The following SEMA6D variants were observed in gnomAD, a reference collection of about 807,000 sequenced individuals.
SEMA6D encodes the protein semaphorin-6D.
A neutral mutation model predicts 106.6 loss-of-function variants in SEMA6D; 35 were observed. The observed-to-expected ratio is 0.33, with a 90% confidence interval of 0.25 to 0.44. SEMA6D has a LOEUF of 0.44. Ranked by LOEUF, SEMA6D falls within the 20% of genes least tolerant of loss-of-function variation. The pLI is 1.00. For missense variants in SEMA6D, 1,185 were observed against 1,345.9 expected (o/e 0.88, Z 1.87); for synonymous variants, 499 against 487.7 (o/e 1.02, Z -0.31).
chr15:47,763,930 A>G lies in SEMA6D; in HGVS notation c.828A>G (p.Ser276=), dbSNP rs1200361973. 1.2e-6 allele frequency: 2 copies of G among 1,613,808 alleles called. No individual in the cohort carries two copies. The highest frequency in any genetic ancestry group is 1.7e-5 in the Admixed American group (1 of 60,006). ...SQRVLEKHWT[S]FLKARLNCSV... is the part of the protein sequence containing the mutation. ...GGGTCCTGGAGAAACACTGGACTTC[A>G]TTTCTAAAGGCTCGGCTGAACTGTT... is the stretch of plus-strand genomic sequence containing the variant. Residue 276 remains serine (S), a synonymous_variant, in exon 10 of 19, where the codon TCA becomes TCG. Transcript: ENST00000536845.
rs2082669582 is a variant in SEMA6D at position 47,772,387 on chromosome 15, T to TGTGTGTGA, written c.*606_*607insGTGAGTGT. On this transcript the variant is annotated 3_prime_UTR_variant, in exon 19 of 19. Transcript: ENST00000536845. Reference sequence around the variant, plus strand: ...GTGTGTGTGTGTGTGTGTGTGTGTGTGTGTTCTGTACCCACTAGGATTTGT... The same window carrying TGTGTGTGA: ...GTGTGTGTGTGTGTGTGTGTGTGTGTGTGTGTGAGTGTTCTGTACCCACTAGGATTTGT... 6.5e-6 allele frequency: 1 copy of TGTGTGTGA among 154,156 alleles called. No homozygotes were observed. Among genetic ancestry groups the TGTGTGTGA allele is most frequent in the African/African-American group, 2.4e-5 (1 of 41,266 alleles). 9.5% of individuals were successfully genotyped at this position (154,156 alleles called of 1,614,324 possible). A position where few individuals can be genotyped will look rare whatever the true frequency, so the allele number is the denominator to read the frequency against.
intron 3 of SEMA6D, among the ~76,000 whole-genome samples, chr15:47,556,053 T>TA (rs770514002): frequency 2.0e-4 from 30 of 152,262 alleles, no homozygotes; most frequent in Non-Finnish European, 3.8e-4. Flanking sequence ...AAGGCCTCAT[T>TA]AGAAGCCAGA....
intron 1 of SEMA6D, among the ~76,000 whole-genome samples, chr15:47,349,102 T>G (rs1160160724): frequency 7.3e-6 from 1 of 137,420 alleles, no homozygotes; most frequent in Non-Finnish European, 1.5e-5. Context: ...CAGACCTAGA[T>G]GAGGCTTACC....
intron 1 of SEMA6D, among the ~76,000 whole-genome samples, chr15:47,341,652 A>T (rs146604743): frequency 0.011 from 1,683 of 152,288 alleles, 12 homozygotes; most frequent in Non-Finnish European, 0.014. Context: ...TTAACTATAA[A>T]ATTATAAATA....
At chr15:47,199,286 A>G (rs1467971978) in intron 1 of SEMA6D, among the ~76,000 whole-genome samples, 19 of 152,194 alleles carry the variant, frequency 1.2e-4, no homozygotes, top group Admixed American at 1.2e-3. Context: ...ATTACCAGCC[A>G]TGAATTACAC....
intron 4 of SEMA6D, among the ~76,000 whole-genome samples, chr15:47,683,622 G>GA (rs199818712): frequency 4.0e-5 from 6 of 151,350 alleles, no homozygotes; most frequent in Non-Finnish European, 7.4e-5. Flanking sequence ...CATTTTTTTA[G>GA]AAAAAAAATC....
intron 1 of SEMA6D, among the ~76,000 whole-genome samples, chr15:47,322,159 C>A (rs993282423): frequency 6.6e-6 from 1 of 151,894 alleles, no homozygotes; most frequent in African/African-American, 2.4e-5. Flanking sequence ...TGGAAAGTTG[C>A]AAAAATAGTA....
chr15:47,566,863 T>C (rs562001710), intron 3 of SEMA6D, among the ~76,000 whole-genome samples: 1 of 152,100 alleles, frequency 6.6e-6, no homozygotes, highest in South Asian at 2.1e-4. Flanking sequence ...ATATGGGGAG[T>C]TCTGAAGGAA....
chr15:47,426,621 G>A (rs1266396606), intron 2 of SEMA6D, among the ~76,000 whole-genome samples: 1 of 151,990 alleles, frequency 6.6e-6, no homozygotes, highest in Non-Finnish European at 1.5e-5. Flanking sequence ...GATAGATTTT[G>A]GTCTTTTATT....
intron 1 of SEMA6D, among the ~76,000 whole-genome samples, chr15:47,357,848 A>T (rs192433212): frequency 6.6e-6 from 1 of 152,318 alleles, no homozygotes; most frequent in African/African-American, 2.4e-5. Context: ...TTTACTTGGT[A>T]ATATCAGAGA....
At chr15:47,525,605 T>G (rs2044728346) in intron 3 of SEMA6D, 1 of 152,230 alleles carries the variant, frequency 6.6e-6, no homozygotes, top group Non-Finnish European at 1.5e-5. Context: ...ATAAGTATAA[T>G]CATTTTCCTA....
intron 1 of SEMA6D, among the ~76,000 whole-genome samples, chr15:47,291,381 G>A (rs759585993): frequency 1.3e-5 from 2 of 152,172 alleles, no homozygotes; most frequent in Non-Finnish European, 2.9e-5. Context: ...TCAGAAAACT[G>A]TCTCAGGAAA....
At chr15:47,718,301 C>T (rs1482687387) in intron 1 of SEMA6D, among the ~76,000 whole-genome samples, 1 of 152,180 alleles carries the variant, frequency 6.6e-6, no homozygotes, top group Non-Finnish European at 1.5e-5. Context: ...TAGGAGCGGG[C>T]GGGCGAGCAT....
chr15:47,737,057 G>T (rs1378596046), intron 1 of SEMA6D, among the ~76,000 whole-genome samples: 2 of 151,964 alleles, frequency 1.3e-5, no homozygotes, highest in African/African-American at 4.8e-5. Flanking sequence ...CAGAAGCTTA[G>T]GAAGGAAAAA....
At chr15:47,625,473 A>G (rs1051550969) in intron 4 of SEMA6D, among the ~76,000 whole-genome samples, 5 of 152,178 alleles carry the variant, frequency 3.3e-5, no homozygotes, top group Non-Finnish European at 7.4e-5. Context: ...GCGATGGCAC[A>G]TGCCTGTAAT....
chr15:47,697,054 A>G lies in SEMA6D; in HGVS notation c.-54-62691A>G, dbSNP rs75976544. On this transcript the variant is annotated intron_variant, in intron 4 of 19. Transcript: ENST00000558014. ...TTGGCACTTCATAGGGGTCCAATAA[A>G]TTTTTACGAAATTGTTGAATAAGGG... Among the ~76,000 whole-genome samples the G allele has an allele frequency of 4.1e-3, 629 of 152,228 alleles. 3 individuals carry two copies. Among genetic ancestry groups the G allele is most frequent in the Non-Finnish European group, 6.7e-3 (458 of 68,004 alleles).
Position 47,211,217 on chromosome 15 carries a change from GA to G in SEMA6D, c.-239+26806del, listed in dbSNP as rs576801548. On this transcript the variant is annotated intron_variant, in intron 1 of 19. Coordinates refer to the SEMA6D transcript ENST00000558014. Reference sequence around the variant, plus strand: ...AAGTCGTTCAAATTTACAGTTTTCTGAAAAAAATTATATAGCATGCGTACAC... The same window carrying G: ...AAGTCGTTCAAATTTACAGTTTTCTGAAAAAATTATATAGCATGCGTACAC... Among the ~76,000 whole-genome samples the G allele has an allele frequency of 4.0e-5, 6 of 151,890 alleles. No individual in the cohort carries two copies. In the East Asian group the frequency reaches 1.2e-3, roughly 29 times the overall value.
At chr15:47,382,921 C>T (rs2039693226) in intron 1 of SEMA6D, among the ~76,000 whole-genome samples, 1 of 134,270 alleles carries the variant, frequency 7.4e-6, no homozygotes, top group Non-Finnish European at 1.7e-5. Context: ...GTGTTTGCCA[C>T]CACACCAGGC....
chr15:47,535,395 G>A (rs570134783), intron 3 of SEMA6D, among the ~76,000 whole-genome samples: 1 of 152,120 alleles, frequency 6.6e-6, no homozygotes, highest in Non-Finnish European at 1.5e-5. Context: ...AGAGATATGG[G>A]ATATGGGGTA....
Sources: allele counts gnomAD v4.1 joint callset (sites outside exome capture counted in the v4.1 genomes callset), GRCh38; gene constraint gnomAD v4.1.1; transcripts MANE v1.5; gene names NCBI Gene and HGNC (gene_info 2026-07-23, HGNC 2026-07-21).